Variants in NSA2 observed in about 807,000 individuals in gnomAD.
NSA2 encodes the protein ribosome biogenesis protein NSA2 homolog.
In NSA2, 18 loss-of-function variants were observed where a neutral mutation model predicts 34.8. That is an observed-to-expected ratio of 0.52 (90% confidence interval 0.36 to 0.77). The LOEUF is 0.77. NSA2 is among the 30% of genes least tolerant of loss of function. NSA2 has a pLI of 0.00. For synonymous variants in NSA2, 79 were observed against 100.2 expected, an observed-to-expected ratio of 0.79 and a Z score of 1.26; for missense variants, 188 against 314.7, an observed-to-expected ratio of 0.60 and a Z score of 3.05.
At position 74,770,691 on chromosome 5, in the gene NSA2, G is replaced by C; in HGVS notation, c.403G>C (p.Val135Leu). ...RAQGETEVLKVIRTGKRKKKA... is the reference protein window; with the variant it reads ...RAQGETEVLKLIRTGKRKKKA... ...CCAGGGAGAAACAGAAGTATTAAAA[G>C]TTATTCGAACAGGAAAGAGAAAGAA... The change falls in exon 4 of 6, where the codon GTT (valine) becomes CTT (leucine). Residue 135 changes from valine to leucine, a missense_variant. Val to Leu is a conservative substitution (Grantham distance 32, BLOSUM62 1). Coordinates refer to ENST00000610426, the MANE Select transcript of NSA2 (RefSeq NM_014886.6). 1 of 1,613,310 alleles carries C rather than the reference G, an allele frequency of 6.2e-7. No individual in the cohort carries two copies.
intron 4 of NSA2, chr5:74,771,368 T>G (rs1744921832): frequency 6.6e-6 from 1 of 152,114 alleles, no homozygotes; most frequent in Admixed American, 6.5e-5. Flanking sequence ...CTTTTAAACA[T>G]GACATATTAG....
chr5:74,768,809 G>A (rs1045605060), intron 1 of NSA2, 122 bp from the exon 2 acceptor site: 13 of 741,764 alleles, frequency 1.8e-5, no homozygotes, highest in Non-Finnish European at 2.1e-5. Context: ...AATGGTGCAA[G>A]AATCATTTAA....
In NSA2 at chr5:74,776,625, A is replaced by G; in HGVS notation, c.737A>G (p.Asn246Ser). The G allele has an allele frequency of 6.3e-7, 1 of 1,598,366 alleles. No homozygotes were observed. The highest frequency in any genetic ancestry group is 8.6e-7 in the Non-Finnish European group (1 of 1,167,106). ...VIWGKYAQVTNNPENDGCINA... is the reference protein window; with the variant it reads ...VIWGKYAQVTSNPENDGCINA... ...TTAGGAAAATATGCCCAGGTTACCAACAATCCTGAAAATGATGGATGTATA... is the reference window on the plus strand; with the variant it reads ...TTAGGAAAATATGCCCAGGTTACCAGCAATCCTGAAAATGATGGATGTATA... The change falls in exon 6 of 6, where the codon AAC becomes AGC. Residue 246 changes from asparagine to serine, a missense_variant. Asn to Ser is a conservative substitution (Grantham distance 46). Transcript: ENST00000610426.
intron 3 of NSA2, among the ~76,000 whole-genome samples, chr5:74,770,272 A>G (rs893331565): frequency 6.6e-6 from 1 of 151,440 alleles, no homozygotes; most frequent in Non-Finnish European, 1.5e-5. Context: ...CGGAGGCTGC[A>G]CAGTGAGCCA....
chr5:74,776,750 CCAAA>C lies in NSA2; in HGVS notation c.*82_*85del, dbSNP rs1402073737. 7.7e-6 allele frequency: 6 copies of C among 776,338 alleles called. No individual in the cohort carries two copies. Among genetic ancestry groups the C allele is most frequent in the African/African-American group, 1.7e-5 (1 of 58,284 alleles). 48.1% of individuals were successfully genotyped at this position (776,338 alleles called of 1,614,324 possible). On this transcript the variant is annotated 3_prime_UTR_variant, in exon 6 of 6. Transcript: ENST00000610426. ...ATTACTGTGATGTTTCTGAATACTACCAAACAGCCATACATGTCTGCAATGAAGA... is the reference window on the plus strand; with the variant it reads ...ATTACTGTGATGTTTCTGAATACTACCAGCCATACATGTCTGCAATGAAGA...
chr5:74,774,675 A>C (rs1379787282), intron 5 of NSA2, among the ~76,000 whole-genome samples: 1 of 152,170 alleles, frequency 6.6e-6, no homozygotes, highest in Non-Finnish European at 1.5e-5. Context: ...TAACTAAGAA[A>C]TATTATAAGA....
rs921630036 is a variant in NSA2, at chr5:74,779,964, T to G, written c.*3293T>G. Reference sequence around the variant, plus strand: ...ATAAGGATCAAGATCAAGCTATTTTTAAAACAATTTAAATGGTCTCAAAAC... The same window carrying G: ...ATAAGGATCAAGATCAAGCTATTTTGAAAACAATTTAAATGGTCTCAAAAC... On this transcript the variant is annotated 3_prime_UTR_variant, in exon 6 of 6. Transcript: ENST00000610426. 6.6e-6 allele frequency: 1 copy of G among 152,208 alleles called. No homozygotes were observed. Among genetic ancestry groups the G allele is most frequent in the African/African-American group, 2.4e-5 (1 of 41,450 alleles). 9.4% of individuals were successfully genotyped at this position (152,208 alleles called of 1,614,324 possible).
chr5:74,767,290 C>T lies in NSA2; in HGVS notation c.-71C>T. ...GCCTGCGTGGTGTGGGCTTGTGGGT[C>T]TTTGAGACCCGAAAATTGAGAGCGT... On this transcript the variant is annotated 5_prime_UTR_variant, in exon 1 of 6. Coordinates refer to ENST00000610426, the MANE Select transcript of NSA2 (RefSeq NM_014886.6). 4 of 1,605,114 alleles carry T rather than the reference C, an allele frequency of 2.5e-6. No homozygotes were observed. The highest frequency in any genetic ancestry group is 2.6e-6 in the Non-Finnish European group (3 of 1,172,758).
At chr5:74,770,260 G>A (rs753237521) in intron 3 of NSA2, among the ~76,000 whole-genome samples, 2 of 151,580 alleles carry the variant, frequency 1.3e-5, no homozygotes, top group Non-Finnish European at 2.9e-5. Context: ...GTACCCAGGA[G>A]GCGGAGGCTG....
rs114997418 is a variant in NSA2 at position 74,775,812 on chromosome 5, C to T, written c.716-792C>T. On this transcript the variant is annotated intron_variant, in intron 5 of 5. Transcript: ENST00000610426. ...AAATGTGTCATGCAGTAATTTTAAA[C>T]GCCCTCATTTGCTTAGTTTTCTACC... Among the ~76,000 whole-genome samples, 610 of 151,738 alleles carry T rather than the reference C, an allele frequency of 4.0e-3. 9 individuals carry two copies. The highest frequency in any genetic ancestry group is 0.014 in the African/African-American group (574 of 41,330).
chr5:74,770,586 G>T, intron 3 of NSA2, 45 bp from the exon 4 acceptor site: 1 of 1,379,526 alleles, frequency 7.2e-7, no homozygotes, highest in Non-Finnish European at 9.9e-7. Flanking sequence ...TATTCTCATT[G>T]TCCTTTAATA....
rs915021035 is a variant in NSA2, at chr5:74,779,340, T to C, written c.*2669T>C. ...ACTTCGGCAGCACATATACTAAAAT[T>C]AGAACAATACAGGGAAAATTAGCAT... On this transcript the variant is annotated 3_prime_UTR_variant, in exon 6 of 6. Coordinates refer to ENST00000610426, the MANE Select transcript of NSA2 (RefSeq NM_014886.6). The C allele has an allele frequency of 6.6e-6, 1 of 152,094 alleles. No individual in the cohort carries two copies. Among genetic ancestry groups the C allele is most frequent in the African/African-American group, 2.4e-5 (1 of 41,430 alleles). 9.4% of individuals were successfully genotyped at this position (152,094 alleles called of 1,614,324 possible).
In NSA2 at chr5:74,772,186, A is replaced by G. The variant is rs745333825; in HGVS notation, c.522+1376A>G. 8.2e-5 allele frequency among the ~76,000 whole-genome samples: 12 copies of G among 146,298 alleles called. No homozygotes were observed. In the East Asian group the frequency reaches 1.0e-3, roughly 12 times the overall value. On this transcript the variant is annotated intron_variant, in intron 4 of 5. Transcript: ENST00000610426. ...GTATCCCAGGCGGGAGTGCAGTGGCACGATCTCGGCTCACTGCAAGCTCCG... is the reference window on the plus strand; with the variant it reads ...GTATCCCAGGCGGGAGTGCAGTGGCGCGATCTCGGCTCACTGCAAGCTCCG...
Position 74,779,574 on chromosome 5 carries a change from G to A in NSA2, c.*2903G>A, listed in dbSNP as rs1430142358. 6.6e-6 allele frequency: 1 copy of A among 151,008 alleles called. No homozygotes were observed. Among genetic ancestry groups the A allele is most frequent in the African/African-American group, 2.4e-5 (1 of 41,130 alleles). The allele number at this position is 151,008 out of a possible 1,614,324, so 9.4% of individuals were successfully genotyped here. A position where few individuals can be genotyped will look rare whatever the true frequency, so the allele number is the denominator to read the frequency against. On this transcript the variant is annotated 3_prime_UTR_variant, in exon 6 of 6. Transcript: ENST00000610426. The stretch of plus-strand genomic sequence containing the variant: ...TATTGACAGAAGTTTCTCATAAAAT[G>A]TATAAAACAGCATAAATGTTTGGTA...
chr5:74,772,516 T>C (rs1042548831), intron 4 of NSA2, among the ~76,000 whole-genome samples: 1 of 152,202 alleles, frequency 6.6e-6, no homozygotes, highest in Non-Finnish European at 1.5e-5. Context: ...CATTTACATA[T>C]TGCATAACCC....
intron 2 of NSA2, 31 bp downstream of exon 2, chr5:74,769,149 GT>G: frequency 6.3e-7 from 1 of 1,595,178 alleles, no homozygotes; most frequent in Non-Finnish European, 8.5e-7. Flanking sequence ...GTCATAACAA[GT>G]TAACATCTTT....
In NSA2 at chr5:74,779,941, A is replaced by C. The variant is rs1745328875; in HGVS notation, c.*3270A>C. ...CACAAAGTCTTAGTTTCTTTTGCAT[A>C]AGGATCAAGATCAAGCTATTTTTAA... On this transcript the variant is annotated 3_prime_UTR_variant, in exon 6 of 6. Coordinates refer to ENST00000610426, the MANE Select transcript of NSA2 (RefSeq NM_014886.6). 6.6e-6 allele frequency: 1 copy of C among 152,222 alleles called. No individual in the cohort carries two copies. The highest frequency in any genetic ancestry group is 1.5e-5 in the Non-Finnish European group (1 of 68,038). 9.4% of individuals were successfully genotyped at this position (152,222 alleles called of 1,614,324 possible). A position where few individuals can be genotyped will look rare whatever the true frequency, so the allele number is the denominator to read the frequency against.
chr5:74,770,481 T>C (rs1019378081), intron 3 of NSA2, 150 bp from the exon 4 acceptor site: 8 of 568,044 alleles, frequency 1.4e-5, no homozygotes, highest in African/African-American at 1.1e-4. Context: ...TATGAGACAA[T>C]ACAGACCTCT....
intron 4 of NSA2, among the ~76,000 whole-genome samples, chr5:74,772,992 A>G (rs1316158699): frequency 3.3e-5 from 5 of 152,192 alleles, no homozygotes; most frequent in Non-Finnish European, 5.9e-5. Context: ...GGTCTCCTCC[A>G]GTCTCATATT....
Sources: allele counts gnomAD v4.1 joint callset (sites outside exome capture counted in the v4.1 genomes callset), GRCh38; gene constraint gnomAD v4.1.1; transcripts MANE v1.5; gene names NCBI Gene and HGNC (gene_info 2026-07-23, HGNC 2026-07-21).